SLC2A5: variants seen among roughly 807,000 people sequenced by gnomAD.
SLC2A5 encodes solute carrier family 2 member 5.
In SLC2A5, 56 loss-of-function variants were observed where a neutral mutation model predicts 50.3. The ratio of observed to expected loss-of-function variants is 1.11; its 90% CI spans 0.90 to 1.39. The LOEUF is 1.39. Ranked by LOEUF, SLC2A5 falls within the 40% of genes most tolerant of loss-of-function variation. The pLI, the probability that SLC2A5 is intolerant of heterozygous loss-of-function variation, is 0.00. For synonymous variants in SLC2A5, 269 were observed against 281.9 expected (o/e 0.95, Z 0.46); for missense variants, 566 against 650.1 (o/e 0.87, Z 1.41).
In SLC2A5 at chr1:9,082,759, G is replaced by A. The variant is rs531260933; in HGVS notation, c.-59+2255C>T. Reference sequence around the variant, plus strand: ...CAGTTGTGGGTGCAATCTTGCACCAGGCAGCCCAACCCTGACCTAAAGTAA... The same window carrying A: ...CAGTTGTGGGTGCAATCTTGCACCAAGCAGCCCAACCCTGACCTAAAGTAA... On this transcript the variant is annotated intron_variant, in intron 2 of 5. Coordinates refer to the SLC2A5 transcript ENST00000464985. 44 of 411,880 alleles carry A rather than the reference G, an allele frequency of 1.1e-4. No individual in the cohort carries two copies. In the Admixed American group the frequency reaches 1.4e-3, roughly 13 times the overall value. 25.5% of individuals were successfully genotyped at this position (411,880 alleles called of 1,614,324 possible).
upstream of SLC2A5, among the ~76,000 whole-genome samples, chr1:9,070,452 A>AAGGTGG (rs1470645315): frequency 6.6e-6 from 1 of 151,984 alleles, no homozygotes; most frequent in Admixed American, 6.6e-5. Context: ...CACTACTGGG[A>AAGGTGG]AGGTGGTAAA....
intron 2 of SLC2A5, among the ~76,000 whole-genome samples, chr1:9,078,966 C>T (rs1043308695): frequency 2.0e-5 from 3 of 152,180 alleles, no homozygotes; most frequent in Non-Finnish European, 4.4e-5. Flanking sequence ...GGCAGTGTAT[C>T]TCGTCTGGGG....
intron 2 of SLC2A5, among the ~76,000 whole-genome samples, chr1:9,075,096 T>C (rs1240353512): frequency 1.5e-4 from 23 of 151,794 alleles, no homozygotes; most frequent in Admixed American, 1.5e-3. Context: ...AGGAGTCAGG[T>C]TGGCAGCACC....
At chr1:9,041,583 G>A (rs755571150) in intron 5 of SLC2A5, 4 of 1,429,938 alleles carry the variant, frequency 2.8e-6, no homozygotes, top group African/African-American at 2.9e-5. Context: ...GATAGTAAAC[G>A]CTGGCCAGTC....
At chr1:9,089,574 C>A (rs1642441011), upstream of SLC2A5, among the ~76,000 whole-genome samples, 1 of 152,182 alleles carries the variant, frequency 6.6e-6, no homozygotes, top group South Asian at 2.1e-4. Flanking sequence ...CAGATGCTTG[C>A]CTCTGCTGTC....
upstream of SLC2A5, among the ~76,000 whole-genome samples, chr1:9,088,666 C>T (rs559709897): frequency 4.5e-4 from 69 of 152,230 alleles, no homozygotes; most frequent in Non-Finnish European, 8.4e-4. Context: ...GCCTGTAGTC[C>T]CAGCTACTCA....
chr1:9,067,719 G>C lies in SLC2A5; in HGVS notation c.33+1785C>G, dbSNP rs182476572. ...GCTGGGAGTGGATTCTGCCCTCTCGGGGACATCGGTTGTCACTCCTGGGGG... is the reference window on the plus strand; with the variant it reads ...GCTGGGAGTGGATTCTGCCCTCTCGCGGACATCGGTTGTCACTCCTGGGGG... On this transcript the variant is annotated intron_variant, in intron 1 of 11. Coordinates refer to ENST00000377424, the MANE Select transcript of SLC2A5 (RefSeq NM_003039.3). Among the ~76,000 whole-genome samples the C allele has an allele frequency of 2.3e-3, 355 of 152,254 alleles. 1 individual carries two copies. Among genetic ancestry groups the C allele is most frequent in the African/African-American group, 7.9e-3 (327 of 41,554 alleles).
chr1:9,063,686 T>A (rs1429335865), intron 1 of SLC2A5, among the ~76,000 whole-genome samples: 1 of 31,142 alleles, frequency 3.2e-5, no homozygotes, highest in Non-Finnish European at 5.4e-5. Context: ...ATTTACTTTT[T>A]TTTTTTTTTT....
chr1:9,038,308 C>A, intron 10 of SLC2A5, 123 bp downstream of exon 10: 1 of 767,990 alleles, frequency 1.3e-6, no homozygotes, highest in South Asian at 1.5e-5. Flanking sequence ...TTGCGGTGGA[C>A]GGGGGAAGAG....
At chr1:9,048,971 C>T (rs1347870415) in intron 3 of SLC2A5, 2 of 346,416 alleles carry the variant, frequency 5.8e-6, no homozygotes, top group African/African-American at 2.2e-5. Flanking sequence ...TTTTTAAAAC[C>T]AGCCTTAACA....
intron 2 of SLC2A5, among the ~76,000 whole-genome samples, chr1:9,082,034 A>G (rs1379345121): frequency 6.6e-6 from 1 of 152,138 alleles, no homozygotes; most frequent in Admixed American, 6.5e-5. Flanking sequence ...GTGAGCTGAG[A>G]TTGCACCACT....
At position 9,040,337 on chromosome 1, in the gene SLC2A5, G is replaced by C. The variant is rs1215975043; in HGVS notation, c.572-148C>G. ...CCCAGCCCTAAGAACAGCAACTCCC[G>C]ACGGTGGACACTCGGGAAACACCTG... On this transcript the variant is annotated intron_variant, in intron 5 of 11. Transcript: ENST00000377424. This position sits in a 1 kb window ranked among gnomAD's most constrained non-coding sequence, Gnocchi z 4.3. 3.2e-6 allele frequency: 3 copies of C among 942,908 alleles called. No individual in the cohort carries two copies. Among genetic ancestry groups the C allele is most frequent in the Non-Finnish European group, 4.6e-6 (3 of 650,494 alleles). 58.4% of individuals were successfully genotyped at this position (942,908 alleles called of 1,614,324 possible). A position where few individuals can be genotyped will look rare whatever the true frequency, so the allele number is the denominator to read the frequency against.
chr1:9,051,791 C>T (rs1471770159), intron 3 of SLC2A5, among the ~76,000 whole-genome samples: 1 of 151,914 alleles, frequency 6.6e-6, no homozygotes, highest in African/African-American at 2.4e-5. Flanking sequence ...TTGGTATTTA[C>T]CCAAAGGAGC....
In SLC2A5 at chr1:9,040,830, G is replaced by A. The variant is rs942727793; in HGVS notation, c.572-641C>T. 5.9e-5 allele frequency: 9 copies of A among 153,028 alleles called. No individual in the cohort carries two copies. Among genetic ancestry groups the A allele is most frequent in the East Asian group, 1.9e-4 (1 of 5,202 alleles). 9.5% of individuals were successfully genotyped at this position (153,028 alleles called of 1,614,324 possible). On this transcript the variant is annotated intron_variant, in intron 5 of 11. Transcript: ENST00000377424. The surrounding 1 kb of genome is among the most constrained non-coding windows in gnomAD (Gnocchi z 4.3). The stretch of plus-strand genomic sequence containing the variant: ...TCCCAGCTCCTAATGAGAACGCGGC[G>A]CCTTGGCGTAAGTGTCCCCAACACA...
intron 3 of SLC2A5, among the ~76,000 whole-genome samples, chr1:9,052,995 A>T (rs1569864811): frequency 7.3e-6 from 1 of 136,714 alleles, no homozygotes; most frequent in East Asian, 2.0e-4. Flanking sequence ...TATATGTTTT[A>T]AAAATATTTT....
At chr1:9,082,289 G>A (rs1002346586) in intron 2 of SLC2A5, among the ~76,000 whole-genome samples, 2 of 152,092 alleles carry the variant, frequency 1.3e-5, no homozygotes, top group African/African-American at 2.4e-5. Context: ...GTACTCAAGC[G>A]AATACATGTA....
At chr1:9,053,292 TTTATATTATATATTTATATATTGTATTTA>T (rs1401157983) in intron 3 of SLC2A5, among the ~76,000 whole-genome samples, 6 of 60,114 alleles carry the variant, frequency 1.0e-4, no homozygotes, top group Admixed American at 3.4e-4. Context: ...ATATTGTATA[TTTATATTATATATTTATATATTGTATTTA>T]TATATTATAT....
chr1:9,076,193 T>A (rs898474720), intron 2 of SLC2A5, among the ~76,000 whole-genome samples: 7 of 151,894 alleles, frequency 4.6e-5, no homozygotes, highest in Non-Finnish European at 8.8e-5. Context: ...TGACCTCAAA[T>A]GATCTGACCG....
chr1:9,045,134 A>G (rs1448138681), intron 4 of SLC2A5, among the ~76,000 whole-genome samples: 1 of 152,204 alleles, frequency 6.6e-6, no homozygotes. Context: ...GCCAGGCCAC[A>G]TCACAACTGA....
Sources: allele counts gnomAD v4.1 joint callset (sites outside exome capture counted in the v4.1 genomes callset), GRCh38; gene constraint gnomAD v4.1.1; non-coding constraint Gnocchi (gnomAD v3.1); transcripts MANE v1.5; gene names NCBI Gene and HGNC (gene_info 2026-07-23, HGNC 2026-07-21).